The following CYFIP1 variants were observed in gnomAD, a reference collection of about 807,000 sequenced individuals.
The protein encoded by CYFIP1 is cytoplasmic FMR1 interacting protein 1.
Under a neutral mutation model 163.5 loss-of-function variants are expected in CYFIP1, and 58 were observed. That is an observed-to-expected ratio of 0.35 (90% CI 0.29 to 0.44). CYFIP1 has a LOEUF of 0.44. CYFIP1 is among the 20% of genes least tolerant of loss of function. The probability of loss-of-function intolerance (pLI) is 1.00; values close to 1 mark genes in which losing one functional copy is unlikely to be tolerated. For missense variants in CYFIP1, 1,338 were observed against 1,653.8 expected (o/e 0.81, Z 3.31); for synonymous variants, 663 against 660.7 (o/e 1.00, Z -0.05).
chr15:22,928,948 G>A (rs1365798854), intron 11 of CYFIP1, among the ~76,000 whole-genome samples: 4 of 151,864 alleles, frequency 2.6e-5, no homozygotes, highest in Non-Finnish European at 4.4e-5. Context: ...GGCCCGGTGC[G>A]ATGGCTCATG....
intron 30 of CYFIP1, among the ~76,000 whole-genome samples, chr15:22,872,363 A>G (rs1057127935): frequency 6.6e-6 from 1 of 152,098 alleles, no homozygotes; most frequent in Non-Finnish European, 1.5e-5. Context: ...TAGAATGAGA[A>G]GGTCTAACAT....
intron 1 of CYFIP1, among the ~76,000 whole-genome samples, chr15:22,955,370 G>C (rs113526664): frequency 2.0e-4 from 31 of 152,346 alleles, no homozygotes; most frequent in African/African-American, 7.5e-4. Flanking sequence ...TGCCCACCCA[G>C]GGGGTCAAGG....
intron 30 of CYFIP1, 58 bp downstream of exon 30, chr15:22,872,767 A>G (rs756080449): frequency 2.0e-5 from 32 of 1,562,914 alleles, no homozygotes; most frequent in Non-Finnish European, 2.8e-5. Flanking sequence ...CTTATAACAC[A>G]AAGAAAGTAT....
At chr15:22,915,144 T>G in intron 16 of CYFIP1, 1 of 340,962 alleles carries the variant, frequency 2.9e-6, no homozygotes, top group African/African-American at 2.1e-5. Flanking sequence ...TTTTTTTTTT[T>G]GAGACAGAGT....
intron 13 of CYFIP1, among the ~76,000 whole-genome samples, chr15:22,925,543 T>C (rs2061330659): frequency 6.6e-6 from 1 of 152,138 alleles, no homozygotes; most frequent in Admixed American, 6.5e-5. Context: ...CCTGAGAGTA[T>C]GCAAAGATTT....
At chr15:22,924,198 C>T (rs1028268272) in intron 13 of CYFIP1, among the ~76,000 whole-genome samples, 4 of 152,002 alleles carry the variant, frequency 2.6e-5, no homozygotes, top group African/African-American at 7.2e-5. Flanking sequence ...CCAAGGCAGG[C>T]GGATTACCTG....
chr15:22,883,816 CAAA>C (rs34623284), intron 23 of CYFIP1, among the ~76,000 whole-genome samples: 2,063 of 74,850 alleles, frequency 0.028, 47 homozygotes, highest in African/African-American at 0.089. Context: ...GACTTCATCT[CAAA>C]AAAAAAAAAA....
rs561449240 is a variant in CYFIP1 at position 22,868,510 on chromosome 15, G to A, written c.*1518C>T. ...TTTCATCCTATTCTGTAGTTTCTAA[G>A]ATAAGCACAGCTACCACCTCTAAAT... On this transcript the variant is annotated 3_prime_UTR_variant, in exon 31 of 31. Coordinates refer to ENST00000617928, the MANE Select transcript of CYFIP1 (RefSeq NM_014608.6). The A allele has an allele frequency of 6.6e-6, 1 of 152,114 alleles. No individual in the cohort carries two copies. Among genetic ancestry groups the A allele is most frequent in the Non-Finnish European group, 1.5e-5 (1 of 68,010 alleles). 9.4% of individuals were successfully genotyped at this position (152,114 alleles called of 1,614,324 possible).
chr15:22,870,331 T>G (rs1454739244), intron 30 of CYFIP1, 139 bp from the exon 31 acceptor site: 1 of 1,044,074 alleles, frequency 9.6e-7, no homozygotes, highest in African/African-American at 1.7e-5. Context: ...CTTTTTGGGT[T>G]TTTTTTTGTA....
chr15:22,937,069 C>T, intron 9 of CYFIP1, 35 bp downstream of exon 9: 1 of 1,417,572 alleles, frequency 7.1e-7, no homozygotes, highest in Non-Finnish European at 1.0e-6. Context: ...GCACACAAAT[C>T]AATAAAAACA....
chr15:22,954,257 T>TCCA (rs2062364159), intron 1 of CYFIP1, among the ~76,000 whole-genome samples: 1 of 152,058 alleles, frequency 6.6e-6, no homozygotes, highest in Non-Finnish European at 1.5e-5. Context: ...GCTGGCCCCC[T>TCCA]GATCTCAGAC....
intron 14 of CYFIP1, among the ~76,000 whole-genome samples, chr15:22,918,264 G>T (rs2061060900): frequency 6.6e-6 from 1 of 152,172 alleles, no homozygotes; most frequent in Non-Finnish European, 1.5e-5. Context: ...GCAGAGCTGG[G>T]CCCCGCCTGC....
chr15:22,896,724 T>C lies in CYFIP1; in HGVS notation c.2589-3747A>G, dbSNP rs76084419. 4.0e-4 allele frequency among the ~76,000 whole-genome samples: 61 copies of C among 152,338 alleles called. No individual in the cohort carries two copies. The East Asian group carries it at 8.9e-3, about 22-fold the overall frequency. On this transcript the variant is annotated intron_variant, in intron 22 of 30. Coordinates refer to ENST00000617928, the MANE Select transcript of CYFIP1 (RefSeq NM_014608.6). ...TTCCCTGAATCCTTGAGCACATGCA[T>C]AGTCGCTGCCTTAACATCCTTGTCT...
chr15:22,871,448 G>A (rs1334758543), intron 30 of CYFIP1, among the ~76,000 whole-genome samples: 1 of 152,192 alleles, frequency 6.6e-6, no homozygotes, highest in Non-Finnish European at 1.5e-5. Context: ...AAGTAAACAA[G>A]TTAACTAAGA....
At chr15:22,914,518 C>T (rs934698978) in intron 17 of CYFIP1, among the ~76,000 whole-genome samples, 1 of 151,810 alleles carries the variant, frequency 6.6e-6, no homozygotes, top group Non-Finnish European at 1.5e-5. Flanking sequence ...CCACAAATTT[C>T]TGTGGTAAAG....
At chr15:22,960,615 G>T (rs943980105) in intron 1 of CYFIP1, among the ~76,000 whole-genome samples, 1 of 152,218 alleles carries the variant, frequency 6.6e-6, no homozygotes, top group Non-Finnish European at 1.5e-5. Flanking sequence ...TTTCACTGAG[G>T]TCATATAAAT....
chr15:22,965,984 T>C (rs2062888027), intron 1 of CYFIP1, among the ~76,000 whole-genome samples: 1 of 152,158 alleles, frequency 6.6e-6, no homozygotes, highest in African/African-American at 2.4e-5. Flanking sequence ...TTCCGTTCTT[T>C]ACAGAGATAA....
At chr15:22,977,857 A>C (rs1265996572) in intron 1 of CYFIP1, among the ~76,000 whole-genome samples, 1 of 152,008 alleles carries the variant, frequency 6.6e-6, no homozygotes, top group Non-Finnish European at 1.5e-5. Context: ...AAATAACATA[A>C]CATAAAAGAA....
At chr15:22,902,413 G>A (rs1055664573) in intron 22 of CYFIP1, among the ~76,000 whole-genome samples, 29 of 152,198 alleles carry the variant, frequency 1.9e-4, no homozygotes, top group Non-Finnish European at 3.2e-4. Flanking sequence ...GCCGAGGGCC[G>A]CCCATGCCTC....
Sources: gnomAD v4.1 joint callset for allele counts (sites outside exome capture counted in the v4.1 genomes callset) on GRCh38, gnomAD v4.1.1 for gene constraint, MANE v1.5 for transcripts, NCBI Gene and HGNC (gene_info 2026-07-23, HGNC 2026-07-21) for gene names.